The following PLXNC1 variants were observed in gnomAD, a reference collection of about 807,000 sequenced individuals.
The protein encoded by PLXNC1 is plexin C1, also known as plexin-C1.
In PLXNC1, 75 loss-of-function variants were observed where a neutral mutation model predicts 178.2. The observed-to-expected ratio is 0.42, with a 90% CI of 0.35 to 0.51. The LOEUF is 0.51. Ranked by LOEUF, PLXNC1 falls within the 20% of genes least tolerant of loss-of-function variation. The pLI is 0.02. For synonymous variants in PLXNC1, 790 were observed against 779.9 expected, an observed-to-expected ratio of 1.01 and a Z score of -0.22; for missense variants, 1,503 against 1,984.4, an observed-to-expected ratio of 0.76 and a Z score of 4.61.
chr12:94,199,956 G>A (rs907642921), intron 4 of PLXNC1, among the ~76,000 whole-genome samples: 1 of 152,058 alleles, frequency 6.6e-6, no homozygotes, highest in East Asian at 1.9e-4. Context: ...CACCATGCTC[G>A]CCTAATTTTT....
At chr12:94,235,720 A>T (rs11107471) in intron 9 of PLXNC1, among the ~76,000 whole-genome samples, 1 of 151,914 alleles carries the variant, frequency 6.6e-6, no homozygotes, top group Non-Finnish European at 1.5e-5. Flanking sequence ...AGCCAGAGAC[A>T]CTACCCAGAC....
intron 4 of PLXNC1, among the ~76,000 whole-genome samples, chr12:94,190,241 A>G (rs1272315991): frequency 6.6e-6 from 1 of 152,112 alleles, no homozygotes; most frequent in African/African-American, 2.4e-5. Flanking sequence ...GCTGTGAGTT[A>G]TAGTCTTTTG....
intron 11 of PLXNC1, among the ~76,000 whole-genome samples, chr12:94,243,563 A>G (rs772043478): frequency 6.6e-6 from 1 of 152,224 alleles, no homozygotes; most frequent in Non-Finnish European, 1.5e-5. Flanking sequence ...GTCTCTTTAT[A>G]TAGATTAAAC....
chr12:94,225,620 C>T (rs1963915872), intron 7 of PLXNC1, among the ~76,000 whole-genome samples: 1 of 152,150 alleles, frequency 6.6e-6, no homozygotes, highest in Non-Finnish European at 1.5e-5. Flanking sequence ...CACTTTAAGG[C>T]CAGATGAAAG....
chr12:94,215,638 A>C (rs1345051175), intron 5 of PLXNC1, among the ~76,000 whole-genome samples: 1 of 152,144 alleles, frequency 6.6e-6, no homozygotes, highest in Non-Finnish European at 1.5e-5. Flanking sequence ...ATAGGAATAT[A>C]GATTCATAGA....
rs530238096 is a variant in PLXNC1, at chr12:94,154,080, A to G, written c.1062+4047A>G. ...AAGGACAATTGCCATGACAGCACCC[A>G]CTTAGAAAGAGGGGAAAGCAATCAT... On this transcript the variant is annotated intron_variant, in intron 1 of 30. Transcript: ENST00000258526. 3.9e-5 allele frequency among the ~76,000 whole-genome samples: 6 copies of G among 152,354 alleles called. No homozygotes were observed. The South Asian group carries it at 1.2e-3, about 32-fold the overall frequency.
At chr12:94,276,560 C>T (rs1435335765) in intron 21 of PLXNC1, among the ~76,000 whole-genome samples, 9 of 152,228 alleles carry the variant, frequency 5.9e-5, no homozygotes, top group Non-Finnish European at 8.8e-5. Context: ...GCAAATCTGG[C>T]TTCAATTCCT....
intron 23 of PLXNC1, among the ~76,000 whole-genome samples, chr12:94,294,247 C>T (rs562538820): frequency 4.8e-4 from 73 of 152,288 alleles, no homozygotes; most frequent in African/African-American, 1.6e-3. Flanking sequence ...ACCCCACTGC[C>T]TCCCATGGCC....
At position 94,305,326 on chromosome 12, in the gene PLXNC1, C is replaced by A. The variant is rs372041593; in HGVS notation, c.*41C>A. ...GCTTAATCTGGCAAAGTTCTTCAGA[C>A]GACTTGGGAGCAAAATGGCTGCTTG... On this transcript the variant is annotated 3_prime_UTR_variant, in exon 31 of 31. Coordinates refer to ENST00000258526, the MANE Select transcript of PLXNC1 (RefSeq NM_005761.3). 7.9e-7 allele frequency: 1 copy of A among 1,266,862 alleles called. No individual in the cohort carries two copies. The allele number at this position is 1,266,862 out of a possible 1,614,324, so 78.5% of individuals were successfully genotyped here. A position where few individuals can be genotyped will look rare whatever the true frequency, so the allele number is the denominator to read the frequency against.
At chr12:94,181,898 C>T (rs1219317782) in intron 3 of PLXNC1, among the ~76,000 whole-genome samples, 1 of 152,054 alleles carries the variant, frequency 6.6e-6, no homozygotes, top group African/African-American at 2.4e-5. Flanking sequence ...TGTGTGGGCA[C>T]TGAACGGTTA....
At chr12:94,259,316 A>G (rs1246325806) in intron 17 of PLXNC1, 21 bp from the exon 18 acceptor site, 1 of 1,565,040 alleles carries the variant, frequency 6.4e-7, no homozygotes, top group Non-Finnish European at 8.7e-7. Flanking sequence ...ATGAATAATA[A>G]AAGTGTCTCC....
intron 2 of PLXNC1, among the ~76,000 whole-genome samples, chr12:94,172,163 G>T (rs1056951071): frequency 2.0e-5 from 3 of 152,220 alleles, no homozygotes; most frequent in African/African-American, 7.2e-5. Context: ...GCCACAGCGT[G>T]GGGGAACTAA....
At position 94,237,808 on chromosome 12, in the gene PLXNC1, G is replaced by A; in HGVS notation, c.2120+5G>A. The A allele has an allele frequency of 1.2e-6, 2 of 1,612,242 alleles. No individual in the cohort carries two copies. Among genetic ancestry groups the A allele is most frequent in the Non-Finnish European group, 1.7e-6 (2 of 1,179,450 alleles). On this transcript the variant is annotated splice_donor_5th_base_variant and intron_variant, in intron 10 of 30. Coordinates refer to ENST00000258526, the MANE Select transcript of PLXNC1 (RefSeq NM_005761.3). ...CAGTACCTGTGATAAGGATGTGTGA[G>A]TCGAAATACTAATAATTTATCCTCG...
chr12:94,281,409 G>A (rs141982051), intron 22 of PLXNC1, among the ~76,000 whole-genome samples: 38 of 152,302 alleles, frequency 2.5e-4, no homozygotes, highest in East Asian at 5.8e-4. Context: ...GGTGTCAGCC[G>A]CCTGGGACTA....
At chr12:94,187,582 T>C (rs1444073832) in intron 4 of PLXNC1, among the ~76,000 whole-genome samples, 6 of 152,174 alleles carry the variant, frequency 3.9e-5, no homozygotes, top group Admixed American at 3.9e-4. Context: ...AGAAAAATGC[T>C]CATGAATAAT....
intron 4 of PLXNC1, among the ~76,000 whole-genome samples, chr12:94,202,066 A>G (rs1448227062): frequency 1.3e-5 from 2 of 151,872 alleles, no homozygotes; most frequent in Non-Finnish European, 1.5e-5. Flanking sequence ...GCCTCTTCCT[A>G]CTACTCTTGA....
intron 9 of PLXNC1, among the ~76,000 whole-genome samples, chr12:94,235,456 C>A (rs1028183478): frequency 6.6e-6 from 1 of 152,064 alleles, no homozygotes; most frequent in Non-Finnish European, 1.5e-5. Context: ...ATATAAGAAG[C>A]AGGAAGGACT....
intron 23 of PLXNC1, among the ~76,000 whole-genome samples, chr12:94,284,806 G>C (rs1293559823): frequency 6.6e-6 from 1 of 152,174 alleles, no homozygotes; most frequent in Non-Finnish European, 1.5e-5. Flanking sequence ...GATGGGGGCA[G>C]CCTCTTCAGG....
intron 20 of PLXNC1, among the ~76,000 whole-genome samples, chr12:94,264,861 C>T (rs1460343603): frequency 6.6e-6 from 1 of 152,208 alleles, no homozygotes. Context: ...TGCACGCGTG[C>T]GCGTGTGCAG....
Sources: allele counts gnomAD v4.1 joint callset (sites outside exome capture counted in the v4.1 genomes callset), GRCh38; gene constraint gnomAD v4.1.1; transcripts MANE v1.5; gene names NCBI Gene and HGNC (gene_info 2026-07-23, HGNC 2026-07-21).